WDPCP: variants seen among roughly 807,000 people sequenced by gnomAD.
The protein encoded by WDPCP is WD repeat-containing and planar cell polarity effector protein fritz homolog.
WDPCP carries 71 observed loss-of-function variants against 93.1 expected under a neutral mutation model. The ratio of observed to expected loss-of-function variants is 0.76; its 90% confidence interval spans 0.63 to 0.93. WDPCP has a LOEUF of 0.93. Ranked by LOEUF, WDPCP falls within the 40% of genes least tolerant of loss-of-function variation. The probability of loss-of-function intolerance (pLI) is 0.00; values close to 1 mark genes in which losing one functional copy is unlikely to be tolerated. For synonymous variants in WDPCP, 315 were observed against 315.0 expected, an observed-to-expected ratio of 1.00 and a Z score of 0.00; for missense variants, 844 against 887.4, an observed-to-expected ratio of 0.95 and a Z score of 0.62.
chr2:63,585,267 A>T (rs889956179), intron 1 of WDPCP, among the ~76,000 whole-genome samples: 17 of 152,232 alleles, frequency 1.1e-4, no homozygotes, highest in African/African-American at 4.1e-4. Flanking sequence ...AATTATTTTT[A>T]AAATACTACA....
At chr2:63,515,312 G>A (rs1026181876) in intron 1 of WDPCP, among the ~76,000 whole-genome samples, 1 of 152,092 alleles carries the variant, frequency 6.6e-6, no homozygotes, top group Admixed American at 6.6e-5. Context: ...CTTACGTAAA[G>A]TGCCTAATTT....
chr2:63,827,425 T>C (rs1415372255), intron 1 of WDPCP, among the ~76,000 whole-genome samples: 2 of 152,194 alleles, frequency 1.3e-5, no homozygotes, highest in African/African-American at 2.4e-5. Flanking sequence ...TACATGTTGA[T>C]TGCATATTGG....
chr2:63,634,151 C>A (rs561011867), intron 3 of WDPCP, among the ~76,000 whole-genome samples: 1 of 152,218 alleles, frequency 6.6e-6, no homozygotes, highest in East Asian at 1.9e-4. Context: ...TATATGCTAC[C>A]TACAAGAGAC....
chr2:63,806,746 G>C (rs1041760292), intron 2 of WDPCP, among the ~76,000 whole-genome samples: 1 of 152,136 alleles, frequency 6.6e-6, no homozygotes, highest in African/African-American at 2.4e-5. Context: ...AAAGAGTTCG[G>C]CGATATTTCT....
At chr2:63,702,241 G>A (rs1216316589) in intron 2 of WDPCP, among the ~76,000 whole-genome samples, 3 of 152,086 alleles carry the variant, frequency 2.0e-5, no homozygotes, top group Non-Finnish European at 2.9e-5. Context: ...GGCCAGGCTG[G>A]TCTTGAACTC....
chr2:63,362,597 T>C (rs1690569740), intron 12 of WDPCP, among the ~76,000 whole-genome samples: 1 of 152,068 alleles, frequency 6.6e-6, no homozygotes, highest in Admixed American at 6.6e-5. Context: ...ATTTGAAAAA[T>C]GAGCTGGCTC....
intron 14 of WDPCP, among the ~76,000 whole-genome samples, chr2:63,237,137 G>GA (rs1006863337): frequency 6.2e-5 from 9 of 145,682 alleles, no homozygotes; most frequent in South Asian, 2.2e-4. Flanking sequence ...AAATCATTAA[G>GA]AAAAAAAAAA....
chr2:63,566,486 G>A (rs550791768), intron 1 of WDPCP, among the ~76,000 whole-genome samples: 10 of 152,180 alleles, frequency 6.6e-5, no homozygotes, highest in Non-Finnish European at 1.5e-4. Context: ...AAACTAAGCT[G>A]TGCTGTGACC....
At chr2:63,801,420 G>C (rs1558914022) in intron 2 of WDPCP, among the ~76,000 whole-genome samples, 1 of 152,138 alleles carries the variant, frequency 6.6e-6, no homozygotes, top group Admixed American at 6.5e-5. Context: ...TGGTAGGGAG[G>C]CAAAGAGTGA....
chr2:63,487,539 C>T, intron 2 of WDPCP, 45 bp from the exon 3 acceptor site: 7 of 1,449,966 alleles, frequency 4.8e-6, no homozygotes, highest in Non-Finnish European at 5.8e-6. Context: ...TTAAAAGTCC[C>T]AGAGAATAAG....
chr2:63,180,852 A>C (rs1355224418), intron 14 of WDPCP, among the ~76,000 whole-genome samples: 2 of 151,886 alleles, frequency 1.3e-5, no homozygotes, highest in Non-Finnish European at 2.9e-5. Context: ...TTATTTTTTG[A>C]ATTTTTAGTA....
intron 3 of WDPCP, among the ~76,000 whole-genome samples, chr2:63,628,673 C>G (rs1246168672): frequency 3.3e-5 from 5 of 152,160 alleles, no homozygotes; most frequent in African/African-American, 9.7e-5. Flanking sequence ...AGGACCAGCT[C>G]CCAATTTGAC....
At chr2:63,492,172 A>C (rs935641625) in intron 2 of WDPCP, among the ~76,000 whole-genome samples, 2 of 152,136 alleles carry the variant, frequency 1.3e-5, no homozygotes, top group Admixed American at 6.5e-5. Context: ...ATGATGCTTA[A>C]AAGATATAAA....
chr2:63,312,385 T>C (rs1412997213), intron 13 of WDPCP, among the ~76,000 whole-genome samples: 1 of 152,220 alleles, frequency 6.6e-6, no homozygotes, highest in Non-Finnish European at 1.5e-5. Context: ...CAAGAGGCTT[T>C]TGATTTATTG....
chr2:63,392,254 T>G (rs1280488131), intron 10 of WDPCP, among the ~76,000 whole-genome samples: 1 of 152,158 alleles, frequency 6.6e-6, no homozygotes, highest in Non-Finnish European at 1.5e-5. Context: ...CATCTGATCT[T>G]TGACAAACCT....
At chr2:63,811,764 C>A (rs530606781) in intron 2 of WDPCP, among the ~76,000 whole-genome samples, 130 of 152,056 alleles carry the variant, frequency 8.5e-4, no homozygotes, top group Non-Finnish European at 1.4e-3. Flanking sequence ...CCCTATTCTC[C>A]CTCCCCATTT....
At chr2:63,382,543 G>C (rs565591690) in intron 10 of WDPCP, among the ~76,000 whole-genome samples, 2 of 152,062 alleles carry the variant, frequency 1.3e-5, no homozygotes, top group Admixed American at 6.6e-5. Context: ...ACTGATTAAA[G>C]TCTAAAAAAC....
rs866987858 is a variant in WDPCP, at chr2:63,359,584, T to C, written c.1748+18802A>G. Among the ~76,000 whole-genome samples, 3 of 152,178 alleles carry C rather than the reference T, an allele frequency of 2.0e-5. No homozygotes were observed. The South Asian group carries it at 6.2e-4, about 32-fold the overall frequency. The stretch of plus-strand genomic sequence containing the variant: ...ATGACACAGACATTCTGGAAAACAG[T>C]ATGGCAGTTTCCTATAGAACTAACC... On this transcript the variant is annotated intron_variant, in intron 12 of 17. Coordinates refer to ENST00000272321, the MANE Select transcript of WDPCP (RefSeq NM_015910.7).
chr2:63,697,775 G>A (rs1668980478), intron 2 of WDPCP, among the ~76,000 whole-genome samples: 1 of 151,708 alleles, frequency 6.6e-6, no homozygotes, highest in Non-Finnish European at 1.5e-5. Flanking sequence ...AGCCTCTGGA[G>A]TAGCTGGGAC....
Sources: gnomAD v4.1 joint callset for allele counts (sites outside exome capture counted in the v4.1 genomes callset) on GRCh38, gnomAD v4.1.1 for gene constraint, MANE v1.5 for transcripts, NCBI Gene and HGNC (gene_info 2026-07-23, HGNC 2026-07-21) for gene names.